Variants in PCDHA4 observed in about 807,000 individuals in gnomAD.
PCDHA4 encodes the protein protocadherin alpha 4.
PCDHA4 carries 49 observed loss-of-function variants against 61.4 expected under a neutral mutation model. The observed-to-expected ratio is 0.80, with a 90% CI of 0.63 to 1.01. The LOEUF is 1.01. Ranked by LOEUF, PCDHA4 falls within the 50% of genes least tolerant of loss-of-function variation. The pLI is 0.00. For synonymous variants in PCDHA4, 590 were observed against 550.3 expected (o/e 1.07, Z -1.01); for missense variants, 1,254 against 1,235.8 (o/e 1.01, Z -0.22).
At chr5:140,966,703 G>T in intron 1 of PCDHA4, 1 of 1,376,398 alleles carries the variant, frequency 7.3e-7, no homozygotes, top group South Asian at 1.7e-5. Flanking sequence ...CCCGGGCGTG[G>T]GGCACGGCTG....
At chr5:140,892,550 A>G (rs1337911954) in intron 1 of PCDHA4, among the ~76,000 whole-genome samples, 1 of 152,202 alleles carries the variant, frequency 6.6e-6, no homozygotes, top group East Asian at 1.9e-4. Context: ...TTGTTTCTCT[A>G]GTCCTTGGAG....
chr5:140,869,838 A>G, intron 1 of PCDHA4: 6 of 1,611,734 alleles, frequency 3.7e-6, no homozygotes, highest in Non-Finnish European at 5.1e-6. Context: ...TTGATAAATC[A>G]GAATATAAGG....
rs1554148289 is a variant in PCDHA4, at chr5:140,856,164, G to A, written c.2385+46592G>A. 5.0e-6 allele frequency: 8 copies of A among 1,598,390 alleles called. 1 individual carries two copies. Among genetic ancestry groups the A allele is most frequent in the Non-Finnish European group, 6.8e-6 (8 of 1,167,930 alleles). On this transcript the variant is annotated intron_variant, in intron 1 of 3. Coordinates refer to ENST00000530339, the MANE Select transcript of PCDHA4 (RefSeq NM_018907.4). ...CACTACTCAGTCTACGAGGAGGCCA[G>A]ACACGGCACCTTCGTGGGCCGCATC...
intron 3 of PCDHA4, among the ~76,000 whole-genome samples, chr5:141,006,502 C>T (rs987435396): frequency 1.8e-4 from 28 of 152,118 alleles, no homozygotes; most frequent in African/African-American, 2.9e-4. Context: ...TGTGAGCCAC[C>T]GCGCCTGGCT....
intron 1 of PCDHA4, among the ~76,000 whole-genome samples, chr5:140,923,218 TCG>T (rs1584297306): frequency 7.4e-6 from 1 of 135,282 alleles, no homozygotes; most frequent in Non-Finnish European, 1.7e-5. Flanking sequence ...GGTGAAAGGA[TCG>T]TTTGAGCCCA....
At chr5:140,848,296 G>A (rs181978789) in intron 1 of PCDHA4, 6 of 652,806 alleles carry the variant, frequency 9.2e-6, no homozygotes, top group Non-Finnish European at 1.3e-5. Flanking sequence ...TTTGGGCCAC[G>A]TGATGTCACT....
At chr5:140,941,290 T>A (rs1403658442) in intron 1 of PCDHA4, among the ~76,000 whole-genome samples, 1 of 69,836 alleles carries the variant, frequency 1.4e-5, no homozygotes, top group Non-Finnish European at 3.3e-5. Flanking sequence ...TCCTTTCTCT[T>A]TCTTTCTTTC....
chr5:140,808,196 A>G lies in PCDHA4; in HGVS notation c.1009A>G (p.Ile337Val), dbSNP rs782183352. ...QLPLSGHCRV[I>V]VEVEDNNDNV... ...CCCACTTTCTGGCCATTGTAGAGTT[A>G]TTGTGGAAGTAGAAGACAACAACGA... The change falls in exon 1 of 4, where the codon ATT becomes GTT. Residue 337 changes from isoleucine to valine, a missense_variant. Ile to Val is a conservative substitution (Grantham distance 29). Coordinates refer to ENST00000530339, the MANE Select transcript of PCDHA4 (RefSeq NM_018907.4). 6.2e-7 allele frequency: 1 copy of G among 1,614,262 alleles called. No individual in the cohort carries two copies. The highest frequency in any genetic ancestry group is 8.5e-7 in the Non-Finnish European group (1 of 1,180,046).
At chr5:140,877,869 T>G (rs782747532) in intron 1 of PCDHA4, 1 of 1,488,856 alleles carries the variant, frequency 6.7e-7, no homozygotes, top group African/African-American at 1.4e-5. Context: ...TAGATATATT[T>G]GTTTCCTTGA....
chr5:140,841,795 C>G (rs2150322842), intron 1 of PCDHA4: 8 of 1,613,824 alleles, frequency 5.0e-6, no homozygotes, highest in Non-Finnish European at 6.8e-6. Flanking sequence ...AGGGCGCGTC[C>G]GATGCAGATG....
At chr5:140,924,263 G>T (rs1292368780) in intron 1 of PCDHA4, among the ~76,000 whole-genome samples, 3 of 152,148 alleles carry the variant, frequency 2.0e-5, no homozygotes, top group African/African-American at 7.2e-5. Context: ...ATCTAATGAG[G>T]TCTGTACTTG....
At chr5:140,822,071 C>G (rs1554128427) in intron 1 of PCDHA4, 1 of 1,614,192 alleles carries the variant, frequency 6.2e-7, no homozygotes, top group Non-Finnish European at 8.5e-7. Flanking sequence ...CGGCGGAGGG[C>G]GGAGTGCAGC....
At position 140,837,471 on chromosome 5, in the gene PCDHA4, C is replaced by T. The variant is rs2150275751; in HGVS notation, c.2385+27899C>T. Among the ~76,000 whole-genome samples, 442 of 151,506 alleles carry T rather than the reference C, an allele frequency of 2.9e-3. 6 individuals are homozygous for T. The highest frequency in any genetic ancestry group is 0.01 in the African/African-American group (420 of 41,194). On this transcript the variant is annotated intron_variant, in intron 1 of 3. Coordinates refer to ENST00000530339, the MANE Select transcript of PCDHA4 (RefSeq NM_018907.4). ...TAAAAAATCTCCTTGCCTCCTCAAA[C>T]CCCAAACCATTTACTTTACCTTTCT... is the stretch of plus-strand genomic sequence containing the variant.
chr5:140,847,597 C>G (rs1439547927), intron 1 of PCDHA4: 1 of 149,348 alleles, frequency 6.7e-6, no homozygotes, highest in African/African-American at 2.5e-5. Context: ...GAAATTAAAA[C>G]ATATTGTAAT....
chr5:140,840,744 A>T (rs2150309255), intron 1 of PCDHA4, among the ~76,000 whole-genome samples: 1 of 152,224 alleles, frequency 6.6e-6, no homozygotes, highest in Non-Finnish European at 1.5e-5. Flanking sequence ...ATTTAACAAT[A>T]AGAACACAAG....
At chr5:140,825,436 A>C (rs1327783797) in intron 1 of PCDHA4, 1 of 147,728 alleles carries the variant, frequency 6.8e-6, no homozygotes, top group Non-Finnish European at 1.5e-5. Context: ...TAAATATATA[A>C]TAATAATATA....
intron 1 of PCDHA4, chr5:140,857,926 C>T (rs1351185942): frequency 1.3e-6 from 2 of 1,597,606 alleles, no homozygotes; most frequent in Non-Finnish European, 1.7e-6. Flanking sequence ...TGGGGCTGTA[C>T]ACGGGCGAGA....
chr5:140,861,667 T>G (rs1459883845), intron 1 of PCDHA4: 1 of 254,356 alleles, frequency 3.9e-6, no homozygotes, highest in Admixed American at 4.6e-5. Context: ...CGAGAGCTCT[T>G]GATTATCGTG....
At chr5:140,942,139 A>C (rs1211983428) in intron 1 of PCDHA4, among the ~76,000 whole-genome samples, 1 of 152,248 alleles carries the variant, frequency 6.6e-6, no homozygotes, top group Non-Finnish European at 1.5e-5. Context: ...TTGTGGCTTT[A>C]CTTGACATAA....
Sources: gnomAD v4.1 joint callset for allele counts (sites outside exome capture counted in the v4.1 genomes callset) on GRCh38, gnomAD v4.1.1 for gene constraint, MANE v1.5 for transcripts, NCBI Gene and HGNC (gene_info 2026-07-23, HGNC 2026-07-21) for gene names.